Variants in LEPROTL1 observed in about 807,000 individuals in gnomAD.
LEPROTL1 encodes the protein leptin receptor overlapping transcript-like 1.
Under a neutral mutation model 15.4 loss-of-function variants are expected in LEPROTL1, and 6 were observed. The observed-to-expected ratio is 0.39, with a 90% confidence interval of 0.21 to 0.77. The LOEUF (loss-of-function observed/expected upper bound fraction) is 0.77, where lower values mean the gene tolerates loss of function less well. Among genes scored for constraint, LEPROTL1 ranks in the 30% least tolerant of loss-of-function variants. The probability of loss-of-function intolerance (pLI) is 0.41; values close to 1 mark genes in which losing one functional copy is unlikely to be tolerated. For synonymous variants in LEPROTL1, 56 were observed against 52.6 expected (o/e 1.06, Z -0.28); for missense variants, 128 against 158.1 (o/e 0.81, Z 1.02).
intron 3 of LEPROTL1, among the ~76,000 whole-genome samples, chr8:30,124,657 C>A (rs183996674): frequency 6.6e-5 from 10 of 151,988 alleles, no homozygotes; most frequent in Admixed American, 3.9e-4. Context: ...TAAACAAAGT[C>A]CATATATAGT....
intron 3 of LEPROTL1, chr8:30,131,880 T>A: frequency 1.4e-6 from 2 of 1,478,230 alleles, no homozygotes; most frequent in Non-Finnish European, 1.8e-6. Context: ...GCATTATCGA[T>A]GCGTCATCTG....
chr8:30,121,990 A>T (rs1802835437), intron 3 of LEPROTL1, among the ~76,000 whole-genome samples: 1 of 151,550 alleles, frequency 6.6e-6, no homozygotes, highest in Non-Finnish European at 1.5e-5. Flanking sequence ...ACATGGTAAA[A>T]CCCCATCTCT....
At chr8:30,118,234 C>T (rs1434211321) in intron 3 of LEPROTL1, among the ~76,000 whole-genome samples, 1 of 151,802 alleles carries the variant, frequency 6.6e-6, no homozygotes, top group Non-Finnish European at 1.5e-5. Flanking sequence ...AGGCTGGTCT[C>T]GAATTCCTGA....
chr8:30,121,805 G>A (rs1201139220), intron 3 of LEPROTL1, among the ~76,000 whole-genome samples: 1 of 151,956 alleles, frequency 6.6e-6, no homozygotes, highest in Non-Finnish European at 1.5e-5. Context: ...GAAAGCTGGT[G>A]GAGAGCTCCT....
intron 3 of LEPROTL1, among the ~76,000 whole-genome samples, chr8:30,115,989 G>A (rs971948671): frequency 1.3e-5 from 2 of 152,016 alleles, no homozygotes; most frequent in African/African-American, 4.8e-5. Flanking sequence ...GATATAATAA[G>A]AAATATATTG....
chr8:30,129,652 C>A (rs572514496), intron 3 of LEPROTL1, among the ~76,000 whole-genome samples: 20 of 150,884 alleles, frequency 1.3e-4, no homozygotes, highest in South Asian at 8.4e-4. Flanking sequence ...TTGCAATGAG[C>A]TGAGATCACA....
At chr8:30,121,267 T>TG (rs1276226974) in intron 3 of LEPROTL1, among the ~76,000 whole-genome samples, 1 of 152,124 alleles carries the variant, frequency 6.6e-6, no homozygotes, top group East Asian at 1.9e-4. Flanking sequence ...TTTTTGTTTT[T>TG]TTTGAGATGG....
intron 3 of LEPROTL1, among the ~76,000 whole-genome samples, chr8:30,128,123 G>C (rs1802935341): frequency 6.6e-6 from 1 of 152,186 alleles, no homozygotes; most frequent in Non-Finnish European, 1.5e-5. Flanking sequence ...GATCCGGGCT[G>C]TCCTCTGGGC....
chr8:30,136,730 C>CTTT (rs11390350), intron 4 of LEPROTL1, among the ~76,000 whole-genome samples: 3,952 of 143,780 alleles, frequency 0.027, 226 homozygotes, highest in African/African-American at 0.096. Flanking sequence ...TCCCCCCGAA[C>CTTT]TTTTTTTTTT....
chr8:30,128,941 G>C (rs187074969), intron 3 of LEPROTL1, among the ~76,000 whole-genome samples: 4 of 151,022 alleles, frequency 2.6e-5, no homozygotes, highest in Non-Finnish European at 5.9e-5. Flanking sequence ...TTTTGAGACA[G>C]AGTCTCTTTG....
chr8:30,101,745 A>G (rs1395459236), intron 1 of LEPROTL1, among the ~76,000 whole-genome samples, 153 bp from the exon 2 acceptor site: 4 of 151,810 alleles, frequency 2.6e-5, no homozygotes, highest in Admixed American at 1.3e-4. Context: ...GACTTATTCT[A>G]AGACTAGATA....
rs547160978 is a variant in LEPROTL1, at chr8:30,122,116, G to A, written c.280-10259G>A. ...CGGGAGGCCGAGGTTTCAGTGAGCC[G>A]AGATCATGCCACTGCACTCCAGCCT... On this transcript the variant is annotated intron_variant, in intron 3 of 4. Transcript: ENST00000442880. 2.6e-3 allele frequency among the ~76,000 whole-genome samples: 393 copies of A among 151,472 alleles called. 1 individual carries two copies. Among genetic ancestry groups the A allele is most frequent in the Admixed American group, 4.7e-3 (72 of 15,182 alleles).
intron 1 of LEPROTL1, among the ~76,000 whole-genome samples, chr8:30,096,939 A>G (rs1338730298): frequency 6.6e-6 from 1 of 152,120 alleles, no homozygotes; most frequent in Non-Finnish European, 1.5e-5. Context: ...CCATTTGTCT[A>G]TTACTTTTTG....
At chr8:30,111,206 A>AAG (rs1249191864), downstream of LEPROTL1, among the ~76,000 whole-genome samples, 1 of 152,236 alleles carries the variant, frequency 6.6e-6, no homozygotes, top group Non-Finnish European at 1.5e-5. Context: ...AATTGGCTCT[A>AAG]AACATTAACT....
At chr8:30,098,590 A>C (rs1438831609) in intron 1 of LEPROTL1, among the ~76,000 whole-genome samples, 4 of 152,352 alleles carry the variant, frequency 2.6e-5, no homozygotes, top group African/African-American at 9.6e-5. Context: ...CTGTCTTAAC[A>C]GTACCTTTAG....
chr8:30,099,302 A>C (rs1456411584), intron 1 of LEPROTL1, among the ~76,000 whole-genome samples: 1 of 152,062 alleles, frequency 6.6e-6, no homozygotes, highest in Non-Finnish European at 1.5e-5. Context: ...GTTTGGAAAA[A>C]CTTCACTGAG....
intron 3 of LEPROTL1, chr8:30,132,068 G>A (rs144819499): frequency 3.0e-5 from 46 of 1,551,802 alleles, no homozygotes; most frequent in Middle Eastern, 3.3e-4. Flanking sequence ...TCCACAGCCA[G>A]CATGATGTAG....
intron 2 of LEPROTL1, 91 bp from the exon 3 acceptor site, chr8:30,104,209 C>T: frequency 2.8e-6 from 2 of 715,400 alleles, no homozygotes; most frequent in Non-Finnish European, 4.2e-6. Context: ...AGAAGTCAAG[C>T]GATTGAATCT....
chr8:30,136,729 A>C (rs1291609518), intron 4 of LEPROTL1, among the ~76,000 whole-genome samples: 28 of 125,372 alleles, frequency 2.2e-4, no homozygotes, highest in Non-Finnish European at 1.3e-4. Context: ...CTCCCCCCGA[A>C]CTTTTTTTTT....
Sources: gnomAD v4.1 joint callset for allele counts (sites outside exome capture counted in the v4.1 genomes callset) on GRCh38, gnomAD v4.1.1 for gene constraint, MANE v1.5 for transcripts, NCBI Gene and HGNC (gene_info 2026-07-23, HGNC 2026-07-21) for gene names.